NRXN3: variants seen among roughly 807,000 people sequenced by gnomAD.
NRXN3 encodes the protein neurexin 3, also known as neurexin III.
In NRXN3, 32 loss-of-function variants were observed where a neutral mutation model predicts 137.6. The observed-to-expected ratio is 0.23, with a 90% CI of 0.18 to 0.31. The LOEUF (loss-of-function observed/expected upper bound fraction) is 0.31, where lower values mean the gene tolerates loss of function less well. Among genes scored for constraint, NRXN3 ranks in the 10% least tolerant of loss-of-function variants. The pLI, the probability that NRXN3 is intolerant of heterozygous loss-of-function variation, is 1.00. For missense variants in NRXN3, 1,574 were observed against 2,062.5 expected (o/e 0.76, Z 4.59); for synonymous variants, 798 against 784.5 (o/e 1.02, Z -0.29).
At chr14:79,476,706 CTG>C (rs1235854915) in intron 16 of NRXN3, among the ~76,000 whole-genome samples, 2 of 152,092 alleles carry the variant, frequency 1.3e-5, no homozygotes, top group East Asian at 1.9e-4. Context: ...GTACCAGACA[CTG>C]TGCAAGAACT....
chr14:79,550,039 G>C (rs59693725), intron 16 of NRXN3, among the ~76,000 whole-genome samples: 1 of 151,730 alleles, frequency 6.6e-6, no homozygotes, highest in Non-Finnish European at 1.5e-5. Flanking sequence ...GCATGATCTC[G>C]GCTCACTGCA....
At chr14:79,421,245 G>T (rs756390787) in intron 15 of NRXN3, among the ~76,000 whole-genome samples, 1 of 152,054 alleles carries the variant, frequency 6.6e-6, no homozygotes, top group African/African-American at 2.4e-5. Flanking sequence ...TATGGGTCTC[G>T]CCGCACTAAG....
chr14:78,848,351 C>T (rs2152473295), intron 10 of NRXN3, among the ~76,000 whole-genome samples: 1 of 152,186 alleles, frequency 6.6e-6, no homozygotes, highest in South Asian at 2.1e-4. Context: ...ACTGAAGAAG[C>T]TTTGGCAAAA....
At chr14:78,395,071 T>C (rs886745072) in intron 4 of NRXN3, among the ~76,000 whole-genome samples, 2 of 151,840 alleles carry the variant, frequency 1.3e-5, no homozygotes, top group African/African-American at 4.8e-5. Flanking sequence ...TAGTTGTTGC[T>C]TTTGTCTTTA....
At chr14:79,252,569 T>TG (rs1006183341) in intron 15 of NRXN3, among the ~76,000 whole-genome samples, 7 of 137,674 alleles carry the variant, frequency 5.1e-5, no homozygotes, top group African/African-American at 1.1e-4. Flanking sequence ...GGATGTTTGT[T>TG]GGGGGGGTGG....
chr14:78,332,710 C>T (rs1597420927), intron 4 of NRXN3, among the ~76,000 whole-genome samples: 1 of 152,294 alleles, frequency 6.6e-6, no homozygotes, highest in East Asian at 1.9e-4. Flanking sequence ...ACTTCCTATA[C>T]TGTAATCTTT....
intron 15 of NRXN3, among the ~76,000 whole-genome samples, chr14:79,444,892 GGAGATTGT>G (rs1210694904): frequency 2.0e-5 from 3 of 152,178 alleles, no homozygotes; most frequent in Non-Finnish European, 2.9e-5. Flanking sequence ...TACATATTGT[GGAGATTGT>G]GAGAAATAAG....
intron 8 of NRXN3, among the ~76,000 whole-genome samples, chr14:78,778,761 T>TTTCC (rs2098756009): frequency 6.8e-5 from 1 of 14,730 alleles, no homozygotes; most frequent in Non-Finnish European, 1.4e-4. Flanking sequence ...CTTCTTTCTC[T>TTTCC]TTCTTTCTTT....
At chr14:78,265,277 G>A (rs1359218283) in intron 2 of NRXN3, among the ~76,000 whole-genome samples, 1 of 151,928 alleles carries the variant, frequency 6.6e-6, no homozygotes, top group East Asian at 1.9e-4. Context: ...ATGAACTAGG[G>A]GAGGTTAGAA....
At chr14:78,597,718 C>T (rs2097169322) in intron 4 of NRXN3, among the ~76,000 whole-genome samples, 1 of 152,174 alleles carries the variant, frequency 6.6e-6, no homozygotes, top group South Asian at 2.1e-4. Flanking sequence ...CCATTTTGTT[C>T]AAGGAAGCCT....
At chr14:78,509,162 A>G (rs767242346) in intron 4 of NRXN3, among the ~76,000 whole-genome samples, 3 of 152,064 alleles carry the variant, frequency 2.0e-5, no homozygotes, top group Non-Finnish European at 4.4e-5. Flanking sequence ...TATTTGGCAT[A>G]GTGACACATG....
At chr14:78,487,062 C>T (rs2095572206) in intron 4 of NRXN3, among the ~76,000 whole-genome samples, 1 of 152,188 alleles carries the variant, frequency 6.6e-6, no homozygotes, top group Non-Finnish European at 1.5e-5. Flanking sequence ...TCCTTCATTT[C>T]CAGTCACTGC....
intron 4 of NRXN3, among the ~76,000 whole-genome samples, chr14:78,344,976 A>T (rs2082549462): frequency 6.6e-6 from 1 of 152,224 alleles, no homozygotes; most frequent in Non-Finnish European, 1.5e-5. Context: ...ACCAGTTCTT[A>T]GGAATAAACC....
intron 4 of NRXN3, among the ~76,000 whole-genome samples, chr14:78,310,554 T>C (rs1287479059): frequency 1.3e-5 from 2 of 152,062 alleles, no homozygotes; most frequent in African/African-American, 4.8e-5. Flanking sequence ...TAATGAGTCT[T>C]TACAAATGCC....
At position 78,463,734 on chromosome 14, in the gene NRXN3, G is replaced by C. The variant is rs559481003; in HGVS notation, c.757+165874G>C. Among the ~76,000 whole-genome samples, 16 of 144,538 alleles carry C rather than the reference G, an allele frequency of 1.1e-4. 1 individual carries two copies. The highest frequency in any genetic ancestry group is 6.5e-4 in the Admixed American group (9 of 13,948). The allele number at this position is 144,538 out of a possible 152,430, so 94.8% of individuals were successfully genotyped here. On this transcript the variant is annotated intron_variant, in intron 4 of 20. Transcript: ENST00000335750. ...TAGATATGACAGAGAGATCAATAAA[G>C]GCCACAGAATTCTCTTCCTGTTTAT...
chr14:78,773,072 A>T (rs916117183), intron 8 of NRXN3, among the ~76,000 whole-genome samples: 2 of 152,108 alleles, frequency 1.3e-5, no homozygotes, highest in African/African-American at 4.8e-5. Flanking sequence ...CCTGTGAAAT[A>T]CTCTAAAATC....
intron 10 of NRXN3, among the ~76,000 whole-genome samples, chr14:78,820,507 G>C (rs1190289901): frequency 6.6e-6 from 1 of 150,774 alleles, no homozygotes; most frequent in African/African-American, 2.4e-5. Flanking sequence ...TTAACTCTGA[G>C]TTTATTTGAA....
At chr14:79,262,072 G>A (rs569479305) in intron 15 of NRXN3, among the ~76,000 whole-genome samples, 1 of 152,200 alleles carries the variant, frequency 6.6e-6, no homozygotes, top group Non-Finnish European at 1.5e-5. Flanking sequence ...AGGAAATGTG[G>A]AGGCTTGGAA....
At chr14:78,408,633 G>A (rs936990508) in intron 4 of NRXN3, among the ~76,000 whole-genome samples, 1 of 152,184 alleles carries the variant, frequency 6.6e-6, no homozygotes, top group African/African-American at 2.4e-5. Flanking sequence ...TTGCAGCCTA[G>A]TGATGGAATG....
Sources: gnomAD v4.1 joint callset for allele counts (sites outside exome capture counted in the v4.1 genomes callset) on GRCh38, gnomAD v4.1.1 for gene constraint, MANE v1.5 for transcripts, NCBI Gene and HGNC (gene_info 2026-07-23, HGNC 2026-07-21) for gene names.